Variants in HECW2 observed in about 807,000 individuals in gnomAD.
HECW2 encodes E3 ubiquitin-protein ligase HECW2.
In HECW2, 61 loss-of-function variants were observed where a neutral mutation model predicts 175.2. The observed-to-expected ratio is 0.35, with a 90% CI of 0.28 to 0.43. The LOEUF is 0.43. Ranked by LOEUF, HECW2 falls within the 20% of genes least tolerant of loss-of-function variation. The pLI is 1.00. For missense variants in HECW2, 1,524 were observed against 2,000.5 expected (o/e 0.76, Z 4.54); for synonymous variants, 671 against 731.0 (o/e 0.92, Z 1.32).
intron 1 of HECW2, among the ~76,000 whole-genome samples, chr2:196,542,760 C>T (rs10221682): frequency 0.036 from 5,344 of 149,870 alleles, 312 homozygotes; most frequent in African/African-American, 0.12. Context: ...TATATATGTG[C>T]ATATATATAT....
At chr2:196,203,798 A>T (rs1686960700) in intron 28 of HECW2, among the ~76,000 whole-genome samples, 1 of 152,174 alleles carries the variant, frequency 6.6e-6, no homozygotes, top group Admixed American at 6.5e-5. Context: ...TGCAACCATC[A>T]TCACTATCCA....
chr2:196,509,114 T>TG (rs1177913739), intron 1 of HECW2, among the ~76,000 whole-genome samples: 2 of 152,102 alleles, frequency 1.3e-5, no homozygotes, highest in East Asian at 4.0e-4. Flanking sequence ...AATAGGATTG[T>TG]GGGTTTTTTT....
intron 2 of HECW2, among the ~76,000 whole-genome samples, chr2:196,417,327 G>A (rs954546724): frequency 2.6e-5 from 4 of 152,152 alleles, no homozygotes; most frequent in African/African-American, 9.7e-5. Flanking sequence ...ATAGAATTGT[G>A]GAGATTCCAA....
chr2:196,453,435 T>TGCTGTGGAGTACAA (rs1696406710), intron 1 of HECW2, among the ~76,000 whole-genome samples: 1 of 152,148 alleles, frequency 6.6e-6, no homozygotes, highest in Admixed American at 6.5e-5. Flanking sequence ...GGATGGGGTG[T>TGCTGTGGAGTACAA]GCTGTGGAGT....
At chr2:196,494,646 T>TA (rs1687328611) in intron 1 of HECW2, among the ~76,000 whole-genome samples, 1 of 152,200 alleles carries the variant, frequency 6.6e-6, no homozygotes. Flanking sequence ...AAGATACTTG[T>TA]AAAACTTAAC....
In HECW2 at chr2:196,199,191, A is replaced by G. The variant is rs1686780357; in HGVS notation, c.*2086T>C. On this transcript the variant is annotated 3_prime_UTR_variant, in exon 29 of 29. Coordinates refer to ENST00000644978, the MANE Select transcript of HECW2 (RefSeq NM_001348768.2). ...TGTATACCATCAAATATGTGACTTA[A>G]AAAAAAGTGTGTTATACTACTTTTC... is the stretch of plus-strand genomic sequence containing the variant. The G allele has an allele frequency of 7.0e-6, 1 of 143,190 alleles. No homozygotes were observed. The allele number at this position is 143,190 out of a possible 1,614,324, so 8.9% of individuals were successfully genotyped here.
At chr2:196,236,060 A>G (rs1688242641) in intron 21 of HECW2, among the ~76,000 whole-genome samples, 3 of 152,218 alleles carry the variant, frequency 2.0e-5, no homozygotes, top group South Asian at 2.1e-4. Flanking sequence ...CACTGAAATG[A>G]TATCAATATG....
In HECW2 at chr2:196,541,918, T is replaced by G. The variant is rs572805192; in HGVS notation, c.-36+51590A>C. 1.6e-4 allele frequency among the ~76,000 whole-genome samples: 24 copies of G among 152,120 alleles called. No individual in the cohort carries two copies. In the South Asian group the frequency reaches 4.8e-3, roughly 30 times the overall value. The stretch of plus-strand genomic sequence containing the variant: ...AAAAAAGAAATTTTACTTCTATATT[T>G]GGTAAATATATAAATAGCAGGACAA... On this transcript the variant is annotated intron_variant, in intron 1 of 28. Coordinates refer to ENST00000644978, the MANE Select transcript of HECW2 (RefSeq NM_001348768.2).
intron 2 of HECW2, among the ~76,000 whole-genome samples, chr2:196,346,902 G>A (rs1044250689): frequency 8.0e-5 from 12 of 149,272 alleles, no homozygotes; most frequent in African/African-American, 3.0e-4. Context: ...CAGCTACTCG[G>A]GAGGCTGAGG....
intron 1 of HECW2, among the ~76,000 whole-genome samples, chr2:196,580,729 C>T (rs569400056): frequency 6.6e-6 from 1 of 151,258 alleles, no homozygotes; most frequent in South Asian, 2.1e-4. Context: ...TAAAATGTTG[C>T]ACCTACTTTC....
intron 7 of HECW2, among the ~76,000 whole-genome samples, 195 bp downstream of exon 7, chr2:196,322,282 CA>C (rs1691974976): frequency 6.6e-6 from 1 of 152,012 alleles, no homozygotes; most frequent in South Asian, 2.1e-4. Context: ...GATAAAGACG[CA>C]AAAAACATAT....
chr2:196,574,621 ATT>A (rs1303804851), intron 1 of HECW2, among the ~76,000 whole-genome samples: 1 of 152,196 alleles, frequency 6.6e-6, no homozygotes, highest in African/African-American at 2.4e-5. Context: ...TGATCTACAG[ATT>A]CAATGAAATT....
At chr2:196,324,037 C>CTGTGTTGGCAAGTCTCAGATAACTA (rs1253822601) in intron 6 of HECW2, among the ~76,000 whole-genome samples, 2 of 150,376 alleles carry the variant, frequency 1.3e-5, no homozygotes, top group Non-Finnish European at 3.0e-5. Flanking sequence ...AAATGCCTTG[C>CTGTGTTGGCAAGTCTCAGATAACTA]TGTGTTGGCA....
At position 196,292,687 on chromosome 2, in the gene HECW2, C is replaced by T; in HGVS notation, c.2878G>A (p.Asp960Asn). The T allele has an allele frequency of 6.2e-7, 1 of 1,614,066 alleles. No individual in the cohort carries two copies. The highest frequency in any genetic ancestry group is 1.1e-5 in the South Asian group (1 of 91,074). Residue 960 changes from aspartate (D) to asparagine (N), a missense_variant, in exon 14 of 29, where the codon GAC becomes AAC. This residue lies in a region of HECW2 where 291 missense variants were observed against 412.2 expected (regional missense o/e 0.71). Transcript: ENST00000644978. ...TGGTAGCGTTCAAAGTGGTGGGTGT[C>T]CCTCCGGACTTTGGTGATCATGTGC... ...LKHMITKVRR[D>N]THHFERYQHN... is the part of the protein sequence containing the mutation.
At chr2:196,493,912 T>C (rs543341477) in intron 1 of HECW2, among the ~76,000 whole-genome samples, 50 of 152,304 alleles carry the variant, frequency 3.3e-4, no homozygotes, top group Admixed American at 1.4e-3. Flanking sequence ...AAAGATGAGG[T>C]GTTCAAAATC....
At chr2:196,535,753 A>C (rs1161629105) in intron 1 of HECW2, among the ~76,000 whole-genome samples, 1 of 152,210 alleles carries the variant, frequency 6.6e-6, no homozygotes, top group Non-Finnish European at 1.5e-5. Context: ...AAAACAGAGA[A>C]AGCAGAAACA....
intron 1 of HECW2, among the ~76,000 whole-genome samples, chr2:196,475,234 G>C (rs1025077688): frequency 6.6e-6 from 1 of 152,008 alleles, no homozygotes; most frequent in Non-Finnish European, 1.5e-5. Flanking sequence ...CTGCCAGATC[G>C]GAGAGTTCCC....
At position 196,481,705 on chromosome 2, in the gene HECW2, AG is replaced by A. The variant is rs1471869693; in HGVS notation, c.-35-48248del. Reference sequence around the variant, plus strand: ...TTTACAATAAAAAATAACTATCACAAGAATCAGAAAACTTAAAGTTCCCCTA... The same window carrying A: ...TTTACAATAAAAAATAACTATCACAAAATCAGAAAACTTAAAGTTCCCCTA... On this transcript the variant is annotated intron_variant, in intron 1 of 28. Transcript: ENST00000644978. 3.3e-5 allele frequency among the ~76,000 whole-genome samples: 5 copies of A among 152,376 alleles called. No individual in the cohort carries two copies. In the East Asian group the frequency reaches 9.6e-4, roughly 29 times the overall value.
At chr2:196,577,174 CAT>C (rs897144865) in intron 1 of HECW2, among the ~76,000 whole-genome samples, 2 of 152,164 alleles carry the variant, frequency 1.3e-5, no homozygotes, top group Non-Finnish European at 2.9e-5. Context: ...ATATACACCA[CAT>C]GTCTCCACAT....
Sources: gnomAD v4.1 joint callset for allele counts (sites outside exome capture counted in the v4.1 genomes callset) on GRCh38, gnomAD v4.1.1 for gene constraint, gnomAD v4.1.1 regional missense constraint, MANE v1.5 for transcripts, NCBI Gene and HGNC (gene_info 2026-07-23, HGNC 2026-07-21) for gene names.